CADM2: variants seen among roughly 807,000 people sequenced by gnomAD.
CADM2 encodes cell adhesion molecule 2.
Under a neutral mutation model 49.8 loss-of-function variants are expected in CADM2, and 12 were observed. The ratio of observed to expected loss-of-function variants is 0.24; its 90% CI spans 0.15 to 0.39. The LOEUF (loss-of-function observed/expected upper bound fraction) is 0.39. CADM2 is among the 10% of genes least tolerant of loss of function. The probability of loss-of-function intolerance (pLI) is 1.00; values close to 1 mark genes in which losing one functional copy is unlikely to be tolerated. For missense variants in CADM2, 378 were observed against 492.3 expected, an observed-to-expected ratio of 0.77 and a Z score of 2.20; for synonymous variants, 214 against 175.4, an observed-to-expected ratio of 1.22 and a Z score of -1.74.
At chr3:84,997,763 C>G (rs1180857067) in intron 1 of CADM2, among the ~76,000 whole-genome samples, 1 of 152,058 alleles carries the variant, frequency 6.6e-6, no homozygotes, top group Non-Finnish European at 1.5e-5. Flanking sequence ...CAAAAACCCA[C>G]ATGGTTATCC....
intron 1 of CADM2, among the ~76,000 whole-genome samples, chr3:85,700,828 C>T (rs2066730444): frequency 6.6e-6 from 1 of 152,166 alleles, no homozygotes; most frequent in African/African-American, 2.4e-5. Flanking sequence ...CTAAGAAGTT[C>T]AAAATTTTCC....
intron 1 of CADM2, among the ~76,000 whole-genome samples, chr3:85,267,497 C>T (rs973780348): frequency 6.6e-6 from 1 of 151,622 alleles, no homozygotes; most frequent in Admixed American, 6.6e-5. Flanking sequence ...TTAAGATTGC[C>T]ATATTTATTT....
chr3:85,073,035 TCTTA>T (rs1386414011), intron 1 of CADM2, among the ~76,000 whole-genome samples: 3 of 152,160 alleles, frequency 2.0e-5, no homozygotes, highest in African/African-American at 7.2e-5. Flanking sequence ...ATTTTGACTA[TCTTA>T]CTTCTTAAGT....
chr3:85,359,471 T>C lies in CADM2; in HGVS notation c.62-367051T>C, dbSNP rs575924525. Among the ~76,000 whole-genome samples the C allele has an allele frequency of 2.6e-5, 4 of 151,020 alleles. No individual in the cohort carries two copies. In the South Asian group the frequency reaches 6.3e-4, roughly 24 times the overall value. ...ATCAGGTATGGCAAGTTGTGTCCTA[T>C]AGCATACTCTTTGACCAAGTTGTGT... is the stretch of plus-strand genomic sequence containing the variant. On this transcript the variant is annotated intron_variant, in intron 1 of 9. Coordinates refer to ENST00000383699, the MANE Select transcript of CADM2 (RefSeq NM_001167675.2).
intron 3 of CADM2, among the ~76,000 whole-genome samples, chr3:85,819,758 A>T (rs916059634): frequency 5.3e-5 from 8 of 152,172 alleles, no homozygotes; most frequent in Non-Finnish European, 1.0e-4. Flanking sequence ...TTCAGTAACA[A>T]TTATTAAACT....
intron 3 of CADM2, among the ~76,000 whole-genome samples, chr3:85,816,108 T>C (rs1395237283): frequency 6.6e-6 from 1 of 152,008 alleles, no homozygotes; most frequent in Non-Finnish European, 1.5e-5. Flanking sequence ...GTTTACTGTT[T>C]AACTTTTACC....
chr3:85,443,904 T>G (rs2037322805), intron 1 of CADM2, among the ~76,000 whole-genome samples: 1 of 152,116 alleles, frequency 6.6e-6, no homozygotes, highest in African/African-American at 2.4e-5. Context: ...CAGGATCTCC[T>G]CATAGATGTT....
At chr3:85,473,372 T>C (rs1353482333) in intron 1 of CADM2, among the ~76,000 whole-genome samples, 2 of 152,112 alleles carry the variant, frequency 1.3e-5, no homozygotes, top group Non-Finnish European at 2.9e-5. Flanking sequence ...TCCTGTGTTT[T>C]GCTTGTAGAT....
chr3:85,391,078 T>A (rs1375338267), intron 1 of CADM2, among the ~76,000 whole-genome samples: 1 of 152,044 alleles, frequency 6.6e-6, no homozygotes, highest in Non-Finnish European at 1.5e-5. Context: ...AGGCTATACT[T>A]CATTAGTATG....
At chr3:85,947,175 G>A (rs558203847) in intron 7 of CADM2, among the ~76,000 whole-genome samples, 2 of 152,022 alleles carry the variant, frequency 1.3e-5, no homozygotes, top group South Asian at 4.1e-4. Context: ...CATTTATGCA[G>A]CCAAAAGACA....
At chr3:85,299,844 C>A (rs777671177) in intron 1 of CADM2, among the ~76,000 whole-genome samples, 2 of 151,964 alleles carry the variant, frequency 1.3e-5, no homozygotes, top group Non-Finnish European at 2.9e-5. Flanking sequence ...ACTGTGTAGT[C>A]CCATTTTCTA....
intron 1 of CADM2, among the ~76,000 whole-genome samples, chr3:85,357,346 CT>C (rs2031950606): frequency 6.6e-6 from 1 of 151,964 alleles, no homozygotes; most frequent in Non-Finnish European, 1.5e-5. Flanking sequence ...TTCATTTTAC[CT>C]TTTACCTGAC....
intron 1 of CADM2, among the ~76,000 whole-genome samples, chr3:85,002,267 C>T (rs533097163): frequency 6.6e-6 from 1 of 152,158 alleles, no homozygotes; most frequent in South Asian, 2.1e-4. Context: ...AGAAATATTT[C>T]TCCTTCTTTA....
chr3:86,065,660 A>G lies in CADM2; in HGVS notation c.1026A>G (p.Ile342Met), dbSNP rs1739220088. The G allele has an allele frequency of 6.2e-7, 1 of 1,613,896 alleles. No individual in the cohort carries two copies. The highest frequency in any genetic ancestry group is 8.5e-7 in the Non-Finnish European group (1 of 1,179,952). The change falls in exon 9 of 10, where the codon ATA becomes ATG. Residue 342 changes from isoleucine to methionine, a missense_variant. Coordinates refer to ENST00000383699, the MANE Select transcript of CADM2 (RefSeq NM_001167675.2). ...NGPDHALIGG[I>M]VAVVVFVTLC... ...CTGACCATGCTCTCATAGGAGGAAT[A>G]GTGGCTGTAGTTGTATTTGTCACGC...
intron 8 of CADM2, among the ~76,000 whole-genome samples, chr3:86,006,616 C>T (rs1730822355): frequency 6.6e-6 from 1 of 152,116 alleles, no homozygotes; most frequent in African/African-American, 2.4e-5. Flanking sequence ...GTGAGGACTC[C>T]CTAGAGCTTC....
At chr3:85,733,427 T>C (rs2068014729) in intron 2 of CADM2, among the ~76,000 whole-genome samples, 1 of 152,334 alleles carries the variant, frequency 6.6e-6, no homozygotes, top group East Asian at 1.9e-4. Flanking sequence ...TTGACATGCA[T>C]TTGCTCTATG....
intron 1 of CADM2, among the ~76,000 whole-genome samples, chr3:85,039,930 A>T (rs1385370683): frequency 6.6e-6 from 1 of 152,212 alleles, no homozygotes; most frequent in Admixed American, 6.5e-5. Flanking sequence ...CTTTATACTT[A>T]ATAAAAAGCA....
chr3:86,000,548 T>C (rs898025007), intron 8 of CADM2, among the ~76,000 whole-genome samples: 27 of 152,158 alleles, frequency 1.8e-4, no homozygotes, highest in Middle Eastern at 6.8e-3. Context: ...TAAAGGACTC[T>C]CCTAGGGAAG....
At chr3:85,056,414 TG>T (rs2036082398) in intron 1 of CADM2, among the ~76,000 whole-genome samples, 1 of 152,130 alleles carries the variant, frequency 6.6e-6, no homozygotes, top group Admixed American at 6.5e-5. Context: ...TTGTATCTAA[TG>T]TTTTCAATTA....
Sources: gnomAD v4.1 joint callset for allele counts (sites outside exome capture counted in the v4.1 genomes callset) on GRCh38, gnomAD v4.1.1 for gene constraint, MANE v1.5 for transcripts, NCBI Gene and HGNC (gene_info 2026-07-23, HGNC 2026-07-21) for gene names.